Variants in PRKCE observed in about 807,000 individuals in gnomAD.
The protein encoded by PRKCE is protein kinase C epsilon.
A neutral mutation model predicts 85.4 loss-of-function variants in PRKCE; 16 were observed. The ratio of observed to expected loss-of-function variants is 0.19; its 90% CI spans 0.13 to 0.28. The LOEUF (loss-of-function observed/expected upper bound fraction) is 0.28. PRKCE is among the 10% of genes least tolerant of loss of function. PRKCE has a pLI of 1.00. For missense variants in PRKCE, 573 were observed against 975.2 expected (o/e 0.59, Z 5.49); for synonymous variants, 388 against 371.5 (o/e 1.04, Z -0.51).
rs1558792909 is a variant in PRKCE at position 45,884,974 on chromosome 2, TATATATATATATATATATATATATATA to T, written c.412+41912_412+41938del. 1.1e-3 allele frequency among the ~76,000 whole-genome samples: 71 copies of T among 63,170 alleles called. 3 individuals are homozygous for T. Among genetic ancestry groups the T allele is most frequent in the African/African-American group, 2.9e-3 (65 of 22,732 alleles). 41.4% of individuals were successfully genotyped at this position (63,170 alleles called of 152,430 possible). ...TGATCCATATATATATATATATATATATATATATATATATATATATATATATATTTGTTGTTGTTGTTGTTGTTTTAC... is the reference window on the plus strand; with the variant it reads ...TGATCCATATATATATATATATATATTTTGTTGTTGTTGTTGTTGTTTTAC... On this transcript the variant is annotated intron_variant, in intron 2 of 14. Coordinates refer to ENST00000306156, the MANE Select transcript of PRKCE (RefSeq NM_005400.3).
chr2:45,783,470 C>A (rs1241382362), intron 1 of PRKCE, among the ~76,000 whole-genome samples: 2 of 152,218 alleles, frequency 1.3e-5, no homozygotes, highest in East Asian at 1.9e-4. Flanking sequence ...AGGACGGAGT[C>A]TCAGGTCAGG....
At chr2:45,888,817 G>A (rs1695495505) in intron 2 of PRKCE, among the ~76,000 whole-genome samples, 1 of 152,162 alleles carries the variant, frequency 6.6e-6, no homozygotes, top group African/African-American at 2.4e-5. Context: ...GATTTCCAGG[G>A]AGTTAACCTT....
At chr2:46,057,076 A>G (rs182831869) in intron 10 of PRKCE, among the ~76,000 whole-genome samples, 338 of 152,126 alleles carry the variant, frequency 2.2e-3, no homozygotes, top group African/African-American at 7.9e-3. Context: ...GAGCTTCTCT[A>G]TGTGGTCTCT....
At chr2:45,911,973 T>C (rs982419460) in intron 2 of PRKCE, among the ~76,000 whole-genome samples, 1 of 152,058 alleles carries the variant, frequency 6.6e-6, no homozygotes, top group Non-Finnish European at 1.5e-5. Context: ...GTGTTGTTGT[T>C]GTCTTTATTT....
chr2:45,920,377 C>T (rs1160883011), intron 2 of PRKCE, among the ~76,000 whole-genome samples: 1 of 152,174 alleles, frequency 6.6e-6, no homozygotes, highest in African/African-American at 2.4e-5. Context: ...AACGATTAAA[C>T]GTGGTTGCCA....
At chr2:45,869,593 G>T (rs1693909567) in intron 2 of PRKCE, among the ~76,000 whole-genome samples, 1 of 152,090 alleles carries the variant, frequency 6.6e-6, no homozygotes, top group Admixed American at 6.5e-5. Flanking sequence ...GCATAGAGAG[G>T]TTGAGCTCAC....
At chr2:46,039,812 G>C (rs1054096427) in intron 10 of PRKCE, among the ~76,000 whole-genome samples, 2 of 152,190 alleles carry the variant, frequency 1.3e-5, no homozygotes, top group African/African-American at 4.8e-5. Context: ...CATTTGCTCA[G>C]TGGCTCATAT....
At chr2:45,677,331 GTTTTTTTTTTTGTTGTTGTT>G (rs1676531887) in intron 1 of PRKCE, among the ~76,000 whole-genome samples, 1 of 108,574 alleles carries the variant, frequency 9.2e-6, no homozygotes. Flanking sequence ...TTTTTTTTTT[GTTTTTTTTTTTGTTGTTGTT>G]GTTTTTTTTT....
chr2:45,868,805 A>AAAATG (rs1345384410), intron 2 of PRKCE, among the ~76,000 whole-genome samples: 3 of 151,106 alleles, frequency 2.0e-5, no homozygotes, highest in African/African-American at 7.3e-5. Flanking sequence ...AAAATAAAAT[A>AAAATG]AAAATAACCA....
chr2:46,131,090 A>G (rs1285649591), intron 11 of PRKCE, among the ~76,000 whole-genome samples: 1 of 152,246 alleles, frequency 6.6e-6, no homozygotes, highest in Non-Finnish European at 1.5e-5. Flanking sequence ...GCTGGTGACC[A>G]CCAGCAAAGT....
chr2:46,114,407 CTTTTTTTTTTTTTTTTT>C (rs36107970), intron 11 of PRKCE, among the ~76,000 whole-genome samples: 1 of 47,682 alleles, frequency 2.1e-5, no homozygotes, highest in African/African-American at 9.9e-5. Flanking sequence ...GAGTCCAAGG[CTTTTTTTTTTTTTTTTT>C]TTTTTTTTTT....
intron 1 of PRKCE, among the ~76,000 whole-genome samples, chr2:45,813,355 G>C (rs1376329816): frequency 6.6e-6 from 1 of 152,204 alleles, no homozygotes; most frequent in Non-Finnish European, 1.5e-5. Context: ...AGGGCATGCT[G>C]GGGTTAATGG....
Position 46,160,251 on chromosome 2 carries a change from G to A in PRKCE, c.2067+499G>A, listed in dbSNP as rs148407668. Among the ~76,000 whole-genome samples, 296 of 152,320 alleles carry A rather than the reference G, an allele frequency of 1.9e-3. 1 individual carries two copies. Among genetic ancestry groups the A allele is most frequent in the Non-Finnish European group, 3.2e-3 (217 of 68,032 alleles). ...GGGGAGCTTCTGGGAGGCCCACTGC[G>A]TAAAAGTGCATTTCTGTGAGATACC... On this transcript the variant is annotated intron_variant, in intron 14 of 14. Coordinates refer to ENST00000306156, the MANE Select transcript of PRKCE (RefSeq NM_005400.3).
chr2:45,667,704 T>G (rs1402704648), intron 1 of PRKCE, among the ~76,000 whole-genome samples: 1 of 152,094 alleles, frequency 6.6e-6, no homozygotes, highest in Non-Finnish European at 1.5e-5. Context: ...GTTTTAGGTT[T>G]ATAAAAAAAT....
chr2:45,914,223 C>CA (rs1376127507), intron 2 of PRKCE, among the ~76,000 whole-genome samples: 7 of 152,054 alleles, frequency 4.6e-5, no homozygotes, highest in Non-Finnish European at 7.4e-5. Context: ...TATGTGAATT[C>CA]AAAAAAATAA....
chr2:45,843,441 A>C (rs1009121548), intron 2 of PRKCE, among the ~76,000 whole-genome samples: 38 of 152,216 alleles, frequency 2.5e-4, no homozygotes, highest in African/African-American at 8.9e-4. Context: ...TGAAACGAAT[A>C]AGGTGACAAA....
At chr2:45,790,620 G>C (rs1346001715) in intron 1 of PRKCE, among the ~76,000 whole-genome samples, 2 of 152,184 alleles carry the variant, frequency 1.3e-5, no homozygotes, top group East Asian at 3.8e-4. Context: ...AAGCACACAG[G>C]GCCAGTCCAG....
intron 12 of PRKCE, among the ~76,000 whole-genome samples, chr2:46,150,446 G>C (rs934293462): frequency 1.3e-5 from 2 of 152,198 alleles, no homozygotes; most frequent in African/African-American, 4.8e-5. Context: ...AATAGAGATG[G>C]GTTTTTTCTT....
chr2:45,889,471 C>G (rs1462729985), intron 2 of PRKCE, among the ~76,000 whole-genome samples: 1 of 149,480 alleles, frequency 6.7e-6, no homozygotes, highest in African/African-American at 2.5e-5. Flanking sequence ...TACATTAATA[C>G]TTAACAGAGT....
Sources: allele counts gnomAD v4.1 joint callset (sites outside exome capture counted in the v4.1 genomes callset), GRCh38; gene constraint gnomAD v4.1.1; transcripts MANE v1.5; gene names NCBI Gene and HGNC (gene_info 2026-07-23, HGNC 2026-07-21).